The following OTUD7A variants were observed in gnomAD, a reference collection of about 807,000 sequenced individuals.
OTUD7A encodes OTU domain-containing protein 7A.
OTUD7A carries 12 observed loss-of-function variants against 65.7 expected under a neutral mutation model. The ratio of observed to expected loss-of-function variants is 0.18; its 90% CI spans 0.12 to 0.30. The LOEUF is 0.30. Ranked by LOEUF, OTUD7A falls within the 10% of genes least tolerant of loss-of-function variation. The pLI is 1.00. For missense variants in OTUD7A, 1,148 were observed against 1,304.8 expected (o/e 0.88, Z 1.85); for synonymous variants, 641 against 586.3 (o/e 1.09, Z -1.35).
In OTUD7A at chr15:31,774,723, C is replaced by T. The variant is rs146192409; in HGVS notation, c.-100+95784G>A. On this transcript the variant is annotated intron_variant, in intron 1 of 12. Transcript: ENST00000307050. ...TTTTATCAAGGCTTCAAACATGATC[C>T]CAGTTGTCTGGGAAATACTATCAGC... 1.8e-4 allele frequency among the ~76,000 whole-genome samples: 27 copies of T among 152,288 alleles called. No homozygotes were observed. In the East Asian group the frequency reaches 5.0e-3, roughly 28 times the overall value.
At chr15:31,688,579 G>C (rs1020630647) in intron 1 of OTUD7A, among the ~76,000 whole-genome samples, 1 of 152,124 alleles carries the variant, frequency 6.6e-6, no homozygotes, top group Non-Finnish European at 1.5e-5. Context: ...GGGTATCTGG[G>C]TAGGGACAAC....
chr15:31,515,931 T>TATCC (rs75133111), intron 8 of OTUD7A, among the ~76,000 whole-genome samples: 44,870 of 142,628 alleles, frequency 0.31, 6,960 homozygotes, highest in East Asian at 0.4. Flanking sequence ...CATGTACCTC[T>TATCC]ATCCATCCAT....
At chr15:31,523,920 C>G (rs765010984) in intron 8 of OTUD7A, among the ~76,000 whole-genome samples, 1 of 152,206 alleles carries the variant, frequency 6.6e-6, no homozygotes, top group African/African-American at 2.4e-5. Flanking sequence ...CACAGCTGCA[C>G]GGGTGCCTTG....
intron 1 of OTUD7A, among the ~76,000 whole-genome samples, chr15:31,774,772 G>A (rs890783411): frequency 3.3e-5 from 5 of 152,056 alleles, no homozygotes; most frequent in African/African-American, 1.2e-4. Flanking sequence ...CCTTAATTTA[G>A]GAAAGGAAGA....
intron 3 of OTUD7A, among the ~76,000 whole-genome samples, chr15:31,630,372 G>T (rs557487005): frequency 6.6e-6 from 1 of 152,088 alleles, no homozygotes; most frequent in South Asian, 2.1e-4. Context: ...TCAGGAGCAG[G>T]TTGTTCAGTT....
chr15:31,766,092 A>G, intron 1 of OTUD7A: 1 of 1,465,574 alleles, frequency 6.8e-7, no homozygotes, highest in Admixed American at 1.7e-5. Flanking sequence ...TAAGTAGTCA[A>G]GATGTTTTTC....
At chr15:31,492,421 A>G (rs2041328648) in intron 10 of OTUD7A, among the ~76,000 whole-genome samples, 1 of 152,064 alleles carries the variant, frequency 6.6e-6, no homozygotes, top group Non-Finnish European at 1.5e-5. Context: ...TCTACTAAAA[A>G]TACAAAAATT....
At position 31,654,912 on chromosome 15, in the gene OTUD7A, T is replaced by C. The variant is rs113929802; in HGVS notation, c.151+184A>G. Among the ~76,000 whole-genome samples, 191 of 152,356 alleles carry C rather than the reference T, an allele frequency of 1.3e-3. 5 individuals carry two copies. Among genetic ancestry groups the C allele is most frequent in the African/African-American group, 4.4e-3 (181 of 41,576 alleles). ...TGAATGTTTTATAATTTCTGCTCCA[T>C]TGAACATATTTTCTTAAATATAATA... is the stretch of plus-strand genomic sequence containing the variant. On this transcript the variant is annotated intron_variant, in intron 3 of 12. Transcript: ENST00000307050.
At chr15:31,761,637 G>C (rs1019986415) in intron 1 of OTUD7A, among the ~76,000 whole-genome samples, 1 of 152,132 alleles carries the variant, frequency 6.6e-6, no homozygotes. Context: ...GTTAAGCATA[G>C]AATTCCCATA....
At chr15:31,772,654 T>C (rs1219759449) in intron 1 of OTUD7A, among the ~76,000 whole-genome samples, 8 of 152,328 alleles carry the variant, frequency 5.3e-5, no homozygotes, top group African/African-American at 1.4e-4. Context: ...CTGATTTCAA[T>C]GTGCAGCAAA....
intron 1 of OTUD7A, chr15:31,787,860 C>T (rs1419780600): frequency 6.6e-6 from 1 of 152,190 alleles, no homozygotes; most frequent in Non-Finnish European, 1.5e-5. Flanking sequence ...CTCACACTGG[C>T]ATAAGACCCT....
chr15:31,708,309 G>T (rs973373582), intron 1 of OTUD7A, among the ~76,000 whole-genome samples: 1 of 152,094 alleles, frequency 6.6e-6, no homozygotes, highest in African/African-American at 2.4e-5. Flanking sequence ...TGAATCAGCA[G>T]ATTTAAAAAG....
intron 5 of OTUD7A, among the ~76,000 whole-genome samples, chr15:31,540,994 T>A (rs371411142): frequency 6.6e-6 from 1 of 152,176 alleles, no homozygotes; most frequent in Non-Finnish European, 1.5e-5. Flanking sequence ...GCTGTAATAT[T>A]TTTATTAAAT....
intron 1 of OTUD7A, among the ~76,000 whole-genome samples, chr15:31,682,799 G>A (rs1305474524): frequency 6.6e-6 from 1 of 152,182 alleles, no homozygotes; most frequent in African/African-American, 2.4e-5. Flanking sequence ...GTGTGCATGT[G>A]TTTAATAGTG....
At chr15:31,705,543 C>G (rs1375364562) in intron 1 of OTUD7A, among the ~76,000 whole-genome samples, 2 of 149,614 alleles carry the variant, frequency 1.3e-5, no homozygotes, top group African/African-American at 4.9e-5. Context: ...TCTAGTTGCC[C>G]GGCCTAACCT....
chr15:31,636,692 A>T (rs923695780), intron 3 of OTUD7A, among the ~76,000 whole-genome samples: 6 of 152,252 alleles, frequency 3.9e-5, no homozygotes, highest in Admixed American at 3.9e-4. Context: ...AATGCAAAGG[A>T]ATAATTATTG....
chr15:31,833,886 A>C (rs1413052651), intron 1 of OTUD7A, among the ~76,000 whole-genome samples: 1 of 152,230 alleles, frequency 6.6e-6, no homozygotes, highest in Non-Finnish European at 1.5e-5. Flanking sequence ...CAAGCCATAG[A>C]GAAGATGGCC....
At chr15:31,499,235 A>T (rs1392443814) in intron 10 of OTUD7A, among the ~76,000 whole-genome samples, 1 of 152,160 alleles carries the variant, frequency 6.6e-6, no homozygotes, top group African/African-American at 2.4e-5. Flanking sequence ...AGGCACAAGG[A>T]TGCGGTGTCT....
At chr15:31,734,246 A>C (rs1894124393) in intron 1 of OTUD7A, among the ~76,000 whole-genome samples, 1 of 152,212 alleles carries the variant, frequency 6.6e-6, no homozygotes, top group Non-Finnish European at 1.5e-5. Context: ...TGCTTAAAGA[A>C]ATCAGAAGTG....
Sources: allele counts gnomAD v4.1 joint callset (sites outside exome capture counted in the v4.1 genomes callset), GRCh38; gene constraint gnomAD v4.1.1; transcripts MANE v1.5; gene names NCBI Gene and HGNC (gene_info 2026-07-23, HGNC 2026-07-21).